The following LEPR variants were observed in gnomAD, a reference collection of about 807,000 sequenced individuals.
The protein encoded by LEPR is OB receptor.
In LEPR, 56 loss-of-function variants were observed where a neutral mutation model predicts 114.7. The observed-to-expected ratio is 0.49, with a 90% confidence interval of 0.39 to 0.61. LEPR has a LOEUF of 0.61. Ranked by LOEUF, LEPR falls within the 20% of genes least tolerant of loss-of-function variation. LEPR has a pLI of 0.00. For missense variants in LEPR, 1,202 were observed against 1,352.9 expected, an observed-to-expected ratio of 0.89 and a Z score of 1.75; for synonymous variants, 443 against 461.4, an observed-to-expected ratio of 0.96 and a Z score of 0.51.
At chr1:65,608,152 G>GT (rs11417022) in intron 11 of LEPR, among the ~76,000 whole-genome samples, 53,445 of 139,352 alleles carry the variant, frequency 0.38, 9,867 homozygotes, top group East Asian at 0.63. Context: ...CAGTCCATGG[G>GT]TTTTTTTTTT....
chr1:65,571,971 CAA>C (rs72311704), intron 4 of LEPR, among the ~76,000 whole-genome samples: 24 of 60,646 alleles, frequency 4.0e-4, no homozygotes, highest in Admixed American at 9.1e-4. Context: ...CACCCCATCT[CAA>C]AAAAAAAAAA....
At chr1:65,619,498 C>T (rs918899451) in intron 16 of LEPR, among the ~76,000 whole-genome samples, 1 of 151,934 alleles carries the variant, frequency 6.6e-6, no homozygotes, top group Non-Finnish European at 1.5e-5. Flanking sequence ...AGTCTCCCAG[C>T]TACCTTGAAT....
chr1:65,572,421 A>T lies in LEPR; in HGVS notation c.466A>T (p.Asn156Tyr). 5.6e-6 allele frequency: 9 copies of T among 1,599,620 alleles called. No individual in the cohort carries two copies. Among genetic ancestry groups the T allele is most frequent in the Non-Finnish European group, 7.7e-6 (9 of 1,171,398 alleles). Residue 156 changes from asparagine (N) to tyrosine (Y), a missense_variant, in exon 5 of 20, where the codon AAC becomes TAC. Coordinates refer to ENST00000349533, the MANE Select transcript of LEPR (RefSeq NM_002303.6). ...SLFKNLFRNYNYKVHLLYVLP... is the reference protein window; with the variant it reads ...SLFKNLFRNYYYKVHLLYVLP... ...ATTTAAGAATCTATTCAGGAATTAT[A>T]ACTATAAGGTCCATCTTTTATATGT...
intron 9 of LEPR, 54 bp downstream of exon 9, chr1:65,601,736 G>T: frequency 6.2e-7 from 1 of 1,610,880 alleles, no homozygotes; most frequent in Non-Finnish European, 8.5e-7. Flanking sequence ...TTTTCATTAT[G>T]GACCCTCCTT....
chr1:65,557,493 C>G (rs537795948), intron 2 of LEPR, among the ~76,000 whole-genome samples: 1 of 152,276 alleles, frequency 6.6e-6, no homozygotes, highest in Non-Finnish European at 1.5e-5. Flanking sequence ...GATCTCAGCT[C>G]ACTGCAACCT....
intron 2 of LEPR, among the ~76,000 whole-genome samples, chr1:65,546,983 G>C (rs1003244680): frequency 3.3e-5 from 5 of 152,108 alleles, no homozygotes; most frequent in African/African-American, 7.2e-5. Flanking sequence ...TATGTCCCAT[G>C]AATACCTAAT....
At chr1:65,457,080 G>A (rs1646886510) in intron 2 of LEPR, among the ~76,000 whole-genome samples, 1 of 152,100 alleles carries the variant, frequency 6.6e-6, no homozygotes, top group Non-Finnish European at 1.5e-5. Flanking sequence ...CATGGGTAGT[G>A]TTTTTAGTAA....
At chr1:65,437,268 T>C (rs1646576220) in intron 2 of LEPR, among the ~76,000 whole-genome samples, 1 of 152,134 alleles carries the variant, frequency 6.6e-6, no homozygotes, top group Non-Finnish European at 1.5e-5. Context: ...TGTATATATG[T>C]ATATATTTTG....
At chr1:65,490,580 T>C (rs1647814334) in intron 2 of LEPR, among the ~76,000 whole-genome samples, 1 of 152,146 alleles carries the variant, frequency 6.6e-6, no homozygotes, top group African/African-American at 2.4e-5. Context: ...GGTTTCAATC[T>C]GGGCTGTTGT....
chr1:65,632,445 G>A (rs1658561030), intron 19 of LEPR, among the ~76,000 whole-genome samples: 1 of 152,154 alleles, frequency 6.6e-6, no homozygotes, highest in African/African-American at 2.4e-5. Context: ...CTTTGTCACA[G>A]CGAGTAGTAA....
intron 2 of LEPR, among the ~76,000 whole-genome samples, chr1:65,525,386 A>C (rs1190796748): frequency 6.6e-6 from 1 of 152,124 alleles, no homozygotes; most frequent in Non-Finnish European, 1.5e-5. Flanking sequence ...GTGCTTGCTG[A>C]GTTCGCCTGG....
intron 2 of LEPR, among the ~76,000 whole-genome samples, chr1:65,504,557 G>A (rs1648627515): frequency 1.3e-5 from 2 of 152,064 alleles, no homozygotes; most frequent in South Asian, 4.2e-4. Context: ...CACAATTGAG[G>A]GGCATTGTAC....
At chr1:65,626,185 C>T (rs534781735) in intron 19 of LEPR, 15 of 1,609,228 alleles carry the variant, frequency 9.3e-6, no homozygotes, top group Non-Finnish European at 1.3e-5. Flanking sequence ...TGCTTGTAGA[C>T]TACGTCCTAC....
intron 2 of LEPR, among the ~76,000 whole-genome samples, chr1:65,476,470 T>A (rs138829199): frequency 3.4e-4 from 52 of 152,276 alleles, no homozygotes; most frequent in Non-Finnish European, 6.5e-4. Context: ...AGTAAAGGTC[T>A]ACTGAATGAA....
At chr1:65,449,253 T>C (rs1646750050) in intron 2 of LEPR, among the ~76,000 whole-genome samples, 1 of 150,274 alleles carries the variant, frequency 6.7e-6, no homozygotes. Flanking sequence ...TTAGTGGTTT[T>C]ATTTATCTTT....
At chr1:65,599,216 G>A (rs1656277539) in intron 8 of LEPR, among the ~76,000 whole-genome samples, 2 of 152,190 alleles carry the variant, frequency 1.3e-5, no homozygotes, top group South Asian at 4.1e-4. Flanking sequence ...GCTTTTGAGA[G>A]TTTTCAGTGC....
chr1:65,523,548 T>C (rs1275817338), intron 2 of LEPR, among the ~76,000 whole-genome samples: 1 of 152,166 alleles, frequency 6.6e-6, no homozygotes, highest in South Asian at 2.1e-4. Flanking sequence ...TGGGCTCAAG[T>C]AGTCTGCCCA....
chr1:65,614,586 T>A (rs4655555), intron 14 of LEPR, among the ~76,000 whole-genome samples: 31,876 of 152,072 alleles, frequency 0.21, 4,517 homozygotes, highest in East Asian at 0.78. Flanking sequence ...CTACATGTAC[T>A]CTGGAAGGGG....
In LEPR at chr1:65,487,708, T is replaced by A. The variant is rs1294904028; in HGVS notation, c.-21+62330T>A. On this transcript the variant is annotated intron_variant, in intron 2 of 19. Coordinates refer to ENST00000349533, the MANE Select transcript of LEPR (RefSeq NM_002303.6). ...TTCATTGGGCTTTAAATTAAAAAAT[T>A]TTTTTTTAAAATTATCTTAGGTACA... is the stretch of plus-strand genomic sequence containing the variant. 7.9e-5 allele frequency among the ~76,000 whole-genome samples: 5 copies of A among 63,180 alleles called. No homozygotes were observed. In the South Asian group the frequency reaches 1.2e-3, roughly 15 times the overall value. The allele number at this position is 63,180 out of a possible 152,430, so 41.4% of individuals were successfully genotyped here. A position where few individuals can be genotyped will look rare whatever the true frequency, so the allele number is the denominator to read the frequency against.
Sources: gnomAD v4.1 joint callset for allele counts (sites outside exome capture counted in the v4.1 genomes callset) on GRCh38, gnomAD v4.1.1 for gene constraint, MANE v1.5 for transcripts, NCBI Gene and HGNC (gene_info 2026-07-23, HGNC 2026-07-21) for gene names.